The following CDH12 variants were observed in gnomAD, a reference collection of about 807,000 sequenced individuals.
The protein encoded by CDH12 is cadherin-12.
A neutral mutation model predicts 74.1 loss-of-function variants in CDH12; 41 were observed. The observed-to-expected ratio is 0.55, with a 90% CI of 0.43 to 0.72. CDH12 has a LOEUF of 0.72. Ranked by LOEUF, CDH12 falls within the 30% of genes least tolerant of loss-of-function variation. The probability of loss-of-function intolerance (pLI) is 0.00; values close to 1 mark genes in which losing one functional copy is unlikely to be tolerated. For synonymous variants in CDH12, 399 were observed against 355.0 expected, an observed-to-expected ratio of 1.12 and a Z score of -1.39; for missense variants, 945 against 977.2, an observed-to-expected ratio of 0.97 and a Z score of 0.44.
intron 1 of CDH12, among the ~76,000 whole-genome samples, chr5:22,803,103 G>T (rs1748620030): frequency 6.6e-6 from 1 of 152,044 alleles, no homozygotes; most frequent in South Asian, 2.1e-4. Context: ...TTTATCAATG[G>T]GAACATATTT....
rs1756724760 is a variant in CDH12 at position 21,969,271 on chromosome 5, G to T, written c.526+5820C>A. 2.0e-5 allele frequency among the ~76,000 whole-genome samples: 3 copies of T among 152,116 alleles called. No individual in the cohort carries two copies. In the South Asian group the frequency reaches 6.2e-4, roughly 32 times the overall value. On this transcript the variant is annotated intron_variant, in intron 6 of 14. Coordinates refer to ENST00000382254, the MANE Select transcript of CDH12 (RefSeq NM_004061.5). Reference sequence around the variant, plus strand: ...TTGAAAATTTTGGGGTCCTCAGAAAGGGATGAGAATATATTGCATGACAGA... The same window carrying T: ...TTGAAAATTTTGGGGTCCTCAGAAATGGATGAGAATATATTGCATGACAGA...
intron 4 of CDH12, among the ~76,000 whole-genome samples, chr5:22,204,654 T>C (rs1380110843): frequency 2.6e-5 from 4 of 152,234 alleles, no homozygotes; most frequent in Admixed American, 2.0e-4. Flanking sequence ...TGCTCTTTTT[T>C]ACACATTCAC....
At chr5:22,024,876 T>A (rs1176997669) in intron 5 of CDH12, among the ~76,000 whole-genome samples, 3 of 152,164 alleles carry the variant, frequency 2.0e-5, no homozygotes, top group Admixed American at 2.0e-4. Context: ...GCCATATATA[T>A]CAATTTAGAT....
chr5:22,789,491 T>A, intron 1 of CDH12, among the ~76,000 whole-genome samples: 1 of 152,110 alleles, frequency 6.6e-6, no homozygotes, highest in East Asian at 1.9e-4. Context: ...CAGATGTTAA[T>A]GCGAATATTT....
At chr5:22,616,267 C>T (rs910254450) in intron 1 of CDH12, among the ~76,000 whole-genome samples, 24 of 152,046 alleles carry the variant, frequency 1.6e-4, no homozygotes, top group Non-Finnish European at 2.1e-4. Context: ...TCAATTGTTT[C>T]TTCTTTGAAG....
intron 1 of CDH12, among the ~76,000 whole-genome samples, chr5:22,628,402 T>C (rs568996948): frequency 1.0e-3 from 158 of 152,256 alleles, no homozygotes; most frequent in African/African-American, 3.6e-3. Flanking sequence ...TACCACACTT[T>C]TGTACCACAT....
At chr5:22,818,629 G>A (rs1445755294) in intron 1 of CDH12, among the ~76,000 whole-genome samples, 1 of 152,110 alleles carries the variant, frequency 6.6e-6, no homozygotes, top group Non-Finnish European at 1.5e-5. Flanking sequence ...GCTTAAGTAT[G>A]TCATACTTTA....
intron 3 of CDH12, among the ~76,000 whole-genome samples, chr5:22,370,051 G>A (rs1350314064): frequency 6.6e-6 from 1 of 152,054 alleles, no homozygotes; most frequent in Non-Finnish European, 1.5e-5. Flanking sequence ...TTAATTCAAT[G>A]ATTCTATCAT....
At chr5:22,654,001 C>G (rs1739877748) in intron 1 of CDH12, among the ~76,000 whole-genome samples, 1 of 123,032 alleles carries the variant, frequency 8.1e-6, no homozygotes, top group South Asian at 2.7e-4. Flanking sequence ...TTCCTTCCTT[C>G]CTTCCTTCCC....
At chr5:22,834,565 A>G (rs1206052077) in intron 1 of CDH12, among the ~76,000 whole-genome samples, 6 of 152,160 alleles carry the variant, frequency 3.9e-5, no homozygotes, top group African/African-American at 1.4e-4. Flanking sequence ...AAGCAAAGAA[A>G]AAGTTATGGC....
chr5:21,935,622 A>T (rs566248945), intron 6 of CDH12, among the ~76,000 whole-genome samples: 2 of 152,330 alleles, frequency 1.3e-5, no homozygotes, highest in Admixed American at 6.5e-5. Flanking sequence ...TAGTTATTTT[A>T]AAATGTACAA....
At chr5:22,331,186 C>T (rs141990087) in intron 3 of CDH12, among the ~76,000 whole-genome samples, 46 of 152,282 alleles carry the variant, frequency 3.0e-4, no homozygotes, top group African/African-American at 9.4e-4. Flanking sequence ...TACTTTAATT[C>T]CTGGCTGCCA....
At chr5:21,971,281 T>G (rs1580049024) in intron 6 of CDH12, among the ~76,000 whole-genome samples, 2 of 152,096 alleles carry the variant, frequency 1.3e-5, no homozygotes, top group South Asian at 4.1e-4. Context: ...TCTGACTAAT[T>G]TGGTTCTAAA....
At chr5:22,808,788 T>C (rs1474080572) in intron 1 of CDH12, among the ~76,000 whole-genome samples, 6 of 85,110 alleles carry the variant, frequency 7.0e-5, no homozygotes, top group African/African-American at 1.6e-4. Context: ...TTTTTTTTTT[T>C]AGTAGAGGTG....
chr5:21,905,344 C>T (rs895717847), intron 6 of CDH12, among the ~76,000 whole-genome samples: 21 of 152,302 alleles, frequency 1.4e-4, no homozygotes, highest in Middle Eastern at 3.4e-3. Context: ...CCAATTGTGA[C>T]GATACCTTAA....
At chr5:22,441,517 GC>G (rs1195712252) in intron 2 of CDH12, among the ~76,000 whole-genome samples, 2 of 152,024 alleles carry the variant, frequency 1.3e-5, no homozygotes, top group East Asian at 3.9e-4. Flanking sequence ...TTTAATTAAG[GC>G]CATGGGACAG....
intron 5 of CDH12, among the ~76,000 whole-genome samples, chr5:21,977,770 T>C (rs1204920504): frequency 6.6e-6 from 1 of 152,138 alleles, no homozygotes; most frequent in East Asian, 1.9e-4. Context: ...TTTGCAGAGA[T>C]TAAAGCTTCA....
chr5:22,382,139 T>TTTATATATTTATAATATATACTATTTTA, intron 3 of CDH12, among the ~76,000 whole-genome samples: 2 of 145,866 alleles, frequency 1.4e-5, no homozygotes, highest in African/African-American at 5.0e-5. Flanking sequence ...TATAAACATG[T>TTTATATATTTATAATATATACTATTTTA]TTATATATTT....
At chr5:21,960,923 C>G (rs1756331374) in intron 6 of CDH12, among the ~76,000 whole-genome samples, 1 of 152,078 alleles carries the variant, frequency 6.6e-6, no homozygotes, top group African/African-American at 2.4e-5. Flanking sequence ...AATTTTTAAT[C>G]TTTTGCAAAT....
Sources: allele counts gnomAD v4.1 joint callset (sites outside exome capture counted in the v4.1 genomes callset), GRCh38; gene constraint gnomAD v4.1.1; transcripts MANE v1.5; gene names NCBI Gene and HGNC (gene_info 2026-07-23, HGNC 2026-07-21).